The following KATNBL1 variants were observed in gnomAD, a reference collection of about 807,000 sequenced individuals.
KATNBL1 encodes the protein katanin regulatory subunit B1 like 1.
Under a neutral mutation model 44.7 loss-of-function variants are expected in KATNBL1, and 28 were observed. The ratio of observed to expected loss-of-function variants is 0.63; its 90% CI spans 0.46 to 0.86. The LOEUF is 0.86. Among genes scored for constraint, KATNBL1 ranks in the 40% least tolerant of loss-of-function variants. The pLI is 0.00. For synonymous variants in KATNBL1, 78 were observed against 114.9 expected (o/e 0.68, Z 2.06); for missense variants, 272 against 350.7 (o/e 0.78, Z 1.79).
intron 1 of KATNBL1, chr15:34,177,885 T>C (rs1889384074): frequency 6.6e-6 from 1 of 152,212 alleles, no homozygotes; most frequent in Admixed American, 6.5e-5. Flanking sequence ...CAAAGCATAG[T>C]TGTGTACAAA....
intron 1 of KATNBL1, among the ~76,000 whole-genome samples, chr15:34,200,399 C>A (rs1890148753): frequency 6.7e-6 from 1 of 150,030 alleles, no homozygotes; most frequent in South Asian, 2.1e-4. Flanking sequence ...ATTACAGGTG[C>A]GTGCCACCAC....
At chr15:34,175,197 T>A (rs7179455) in intron 1 of KATNBL1, among the ~76,000 whole-genome samples, 1 of 151,450 alleles carries the variant, frequency 6.6e-6, no homozygotes, top group Non-Finnish European at 1.5e-5. Context: ...TGAGTATCCC[T>A]TACCTGAAAT....
At chr15:34,143,179 A>T (rs1888200474) in intron 9 of KATNBL1, among the ~76,000 whole-genome samples, 1 of 152,042 alleles carries the variant, frequency 6.6e-6, no homozygotes, top group South Asian at 2.1e-4. Context: ...TTCCCTTTGT[A>T]AAAAACTGAT....
At chr15:34,188,922 T>C (rs1330995440) in intron 1 of KATNBL1, among the ~76,000 whole-genome samples, 2 of 152,226 alleles carry the variant, frequency 1.3e-5, no homozygotes, top group Non-Finnish European at 2.9e-5. Context: ...CAGACACAAT[T>C]GACAAGGACA....
intron 1 of KATNBL1, among the ~76,000 whole-genome samples, chr15:34,194,045 G>A (rs1268439820): frequency 2.6e-5 from 4 of 151,962 alleles, no homozygotes; most frequent in African/African-American, 4.8e-5. Flanking sequence ...GGCTTCAAGC[G>A]ATTCTTCTGC....
intron 7 of KATNBL1, 33 bp from the exon 8 acceptor site, chr15:34,146,883 T>C (rs1291612382): frequency 7.5e-7 from 1 of 1,336,596 alleles, no homozygotes; most frequent in South Asian, 1.2e-5. Flanking sequence ...AATTCAAGTG[T>C]TTTCATCTAA....
At chr15:34,166,932 C>T (rs1346441200) in intron 1 of KATNBL1, among the ~76,000 whole-genome samples, 1 of 152,160 alleles carries the variant, frequency 6.6e-6, no homozygotes. Flanking sequence ...ACCAAAACCC[C>T]ATCCGTAAGT....
At chr15:34,163,310 C>G (rs1489279886) in intron 2 of KATNBL1, among the ~76,000 whole-genome samples, 2 of 152,088 alleles carry the variant, frequency 1.3e-5, no homozygotes, top group East Asian at 3.9e-4. Flanking sequence ...TCCCAAAGTG[C>G]TGGAATTACA....
chr15:34,156,444 C>T (rs574644715), intron 2 of KATNBL1, among the ~76,000 whole-genome samples: 13 of 152,292 alleles, frequency 8.5e-5, no homozygotes, highest in South Asian at 4.1e-4. Flanking sequence ...GCCATGCGCA[C>T]GAGCATAACA....
intron 2 of KATNBL1, among the ~76,000 whole-genome samples, chr15:34,155,664 C>T (rs748701802): frequency 3.9e-5 from 6 of 152,278 alleles, no homozygotes; most frequent in Middle Eastern, 3.4e-3. Context: ...TGCAAACTTC[C>T]CCTTTTTCTG....
At chr15:34,180,112 T>C (rs1889475213) in intron 1 of KATNBL1, among the ~76,000 whole-genome samples, 1 of 152,204 alleles carries the variant, frequency 6.6e-6, no homozygotes, top group African/African-American at 2.4e-5. Flanking sequence ...TTGAACTTAT[T>C]CCTCCCTTCT....
At chr15:34,195,983 G>T (rs762997546) in intron 1 of KATNBL1, among the ~76,000 whole-genome samples, 3 of 151,994 alleles carry the variant, frequency 2.0e-5, no homozygotes, top group African/African-American at 4.8e-5. Flanking sequence ...TTTAAACTAC[G>T]TGTGCATGCT....
intron 1 of KATNBL1, among the ~76,000 whole-genome samples, chr15:34,203,917 A>C (rs1890229834): frequency 6.6e-6 from 1 of 152,030 alleles, no homozygotes; most frequent in Admixed American, 6.6e-5. Flanking sequence ...CATTAGGAGA[A>C]ACACCTAATG....
chr15:34,168,272 A>T (rs1322476695), intron 1 of KATNBL1, among the ~76,000 whole-genome samples: 2 of 152,208 alleles, frequency 1.3e-5, no homozygotes, highest in Non-Finnish European at 2.9e-5. Context: ...AAGCAAAAAA[A>T]AAGCAGGGTT....
intron 4 of KATNBL1, among the ~76,000 whole-genome samples, chr15:34,150,732 G>A (rs1888444386): frequency 6.6e-6 from 1 of 152,200 alleles, no homozygotes; most frequent in Non-Finnish European, 1.5e-5. Context: ...TAACTGATAA[G>A]TAGTTTTTTG....
At position 34,172,760 on chromosome 15, in the gene KATNBL1, GACACACACACACACACACACAC is replaced by G. The variant is rs34182114; in HGVS notation, c.-14-9092_-14-9071del. On this transcript the variant is annotated intron_variant, in intron 1 of 9. Coordinates refer to ENST00000256544, the MANE Select transcript of KATNBL1 (RefSeq NM_024713.3). ...ACAGACACATAGACACACAGACACA[GACACACACACACACACACACAC>G]ACACACACACACACGCTTCTCTCTA... is the stretch of plus-strand genomic sequence containing the variant. 2.7e-5 allele frequency among the ~76,000 whole-genome samples: 4 copies of G among 146,544 alleles called. No homozygotes were observed. In the South Asian group the frequency reaches 6.6e-4, roughly 24 times the overall value.
intron 2 of KATNBL1, among the ~76,000 whole-genome samples, chr15:34,157,164 G>A (rs762850826): frequency 1.3e-5 from 2 of 152,182 alleles, no homozygotes; most frequent in Non-Finnish European, 2.9e-5. Context: ...GGGTGAACTC[G>A]ACCTAGTTAC....
rs1199050391 is a variant in KATNBL1, at chr15:34,179,908, G to A, written c.-14-16218C>T. Among the ~76,000 whole-genome samples, 12 of 152,136 alleles carry A rather than the reference G, an allele frequency of 7.9e-5. No individual in the cohort carries two copies. In the East Asian group the frequency reaches 1.3e-3, roughly 17 times the overall value. ...CTATCTTATAAAACATGGCTTAATC[G>A]TATAACTCCCTTATAGTAAACAAGC... is the stretch of plus-strand genomic sequence containing the variant. On this transcript the variant is annotated intron_variant, in intron 1 of 9. Transcript: ENST00000256544.
intron 1 of KATNBL1, among the ~76,000 whole-genome samples, chr15:34,193,216 CAAAAA>C (rs34216208): frequency 1.5e-5 from 1 of 66,362 alleles, no homozygotes; most frequent in Non-Finnish European, 2.4e-5. Context: ...GACTCCGTCT[CAAAAA>C]AAAAAAAAAA....
Sources: allele counts gnomAD v4.1 joint callset (sites outside exome capture counted in the v4.1 genomes callset), GRCh38; gene constraint gnomAD v4.1.1; transcripts MANE v1.5; gene names NCBI Gene and HGNC (gene_info 2026-07-23, HGNC 2026-07-21).